The following RBFOX3 variants were observed in gnomAD, a reference collection of about 807,000 sequenced individuals.
The protein encoded by RBFOX3 is RNA binding protein fox-1 homolog 3.
In RBFOX3, 17 loss-of-function variants were observed where a neutral mutation model predicts 48.7. That is an observed-to-expected ratio of 0.35 (90% CI 0.24 to 0.52). The LOEUF (loss-of-function observed/expected upper bound fraction) is 0.52. Among genes scored for constraint, RBFOX3 ranks in the 20% least tolerant of loss-of-function variants. The pLI, the probability that RBFOX3 is intolerant of heterozygous loss-of-function variation, is 0.94. For missense variants in RBFOX3, 382 were observed against 497.5 expected, an observed-to-expected ratio of 0.77 and a Z score of 2.21; for synonymous variants, 212 against 209.5, an observed-to-expected ratio of 1.01 and a Z score of -0.10.
chr17:79,413,216 C>G (rs2064757615), intron 2 of RBFOX3, among the ~76,000 whole-genome samples: 1 of 152,220 alleles, frequency 6.6e-6, no homozygotes, highest in Admixed American at 6.5e-5. Context: ...GGCCGGGGCA[C>G]CCCTCCCCTG....
intron 2 of RBFOX3, among the ~76,000 whole-genome samples, chr17:79,465,188 G>C (rs1303762197): frequency 6.6e-6 from 1 of 152,172 alleles, no homozygotes; most frequent in Non-Finnish European, 1.5e-5. Flanking sequence ...TCCCGAGGCG[G>C]CCTCCCCTCA....
chr17:79,631,319 G>T, the RBFOX3 span, among the ~76,000 whole-genome samples: 2 of 152,098 alleles, frequency 1.3e-5, no homozygotes, highest in South Asian at 2.1e-4. Context: ...TGCCCCCAGG[G>T]TCAAGAAGGA....
intron 3 of RBFOX3, among the ~76,000 whole-genome samples, chr17:79,246,753 T>G (rs1057060380): frequency 6.6e-6 from 1 of 152,182 alleles, no homozygotes; most frequent in Non-Finnish European, 1.5e-5. Flanking sequence ...ACCACCTCTC[T>G]GCAGAGAGGG....
intron 3 of RBFOX3, among the ~76,000 whole-genome samples, chr17:79,268,234 C>T (rs1030725381): frequency 1.3e-4 from 20 of 152,170 alleles, no homozygotes; most frequent in African/African-American, 4.6e-4. Context: ...GACCATCTAG[C>T]CAGACCCTGG....
chr17:79,205,995 T>C lies in RBFOX3; in HGVS notation c.-34+29771A>G, dbSNP rs1267914883. 6.6e-6 allele frequency among the ~76,000 whole-genome samples: 1 copy of C among 152,158 alleles called. No individual in the cohort carries two copies. Among genetic ancestry groups the C allele is most frequent in the Non-Finnish European group, 1.5e-5 (1 of 68,032 alleles). On this transcript the variant is annotated intron_variant, in intron 4 of 14. Transcript: ENST00000693108. The surrounding 1 kb of genome is among the most constrained non-coding windows in gnomAD (Gnocchi z 4.5). ...CGTTGTGACATTCCAGAGAATATGCTCATCCGATACACTGAGGAAATCAGG... is the reference window on the plus strand; with the variant it reads ...CGTTGTGACATTCCAGAGAATATGCCCATCCGATACACTGAGGAAATCAGG...
At chr17:79,105,916 AG>A (rs915646376) in intron 6 of RBFOX3, among the ~76,000 whole-genome samples, 49 of 152,244 alleles carry the variant, frequency 3.2e-4, no homozygotes, top group African/African-American at 1.1e-3. Context: ...ACCACTCGGC[AG>A]CCCCAGCCCC....
chr17:79,619,398 T>C, the RBFOX3 span, among the ~76,000 whole-genome samples: 6 of 152,288 alleles, frequency 3.9e-5, no homozygotes, highest in East Asian at 1.2e-3. Context: ...CTCCCTCCCG[T>C]GCTTCCCTCC....
rs201371495 is a variant in RBFOX3, at chr17:79,184,663, A to G, written c.-34+51103T>C. Among the ~76,000 whole-genome samples the G allele has an allele frequency of 2.6e-4, 39 of 152,310 alleles. No individual in the cohort carries two copies. The East Asian group carries it at 6.6e-3, about 26-fold the overall frequency. On this transcript the variant is annotated intron_variant, in intron 4 of 14. Transcript: ENST00000693108. ...GCTCATGCCTAACCTCACGCCTTCC[A>G]GGAAAGGGGCAGATCCCAGGCACCC...
chr17:79,138,812 CGT>C (rs1294123669), intron 4 of RBFOX3, among the ~76,000 whole-genome samples: 1 of 119,948 alleles, frequency 8.3e-6, no homozygotes, highest in African/African-American at 3.2e-5. Context: ...CACACACATG[CGT>C]TCACACCCCC....
intron 5 of RBFOX3, among the ~76,000 whole-genome samples, chr17:79,108,714 T>C (rs895139122): frequency 1.3e-5 from 2 of 152,246 alleles, no homozygotes; most frequent in African/African-American, 2.4e-5. Flanking sequence ...CATTTCCGCA[T>C]GTAGCCAGAA....
chr17:79,512,309 G>A (rs2084430382), intron 1 of RBFOX3, among the ~76,000 whole-genome samples: 5 of 130,410 alleles, frequency 3.8e-5, no homozygotes, highest in South Asian at 2.6e-4. Context: ...CCCATGGCCA[G>A]GGAACACCCA....
At chr17:79,572,021 T>A (rs1048021485) in intron 1 of RBFOX3, among the ~76,000 whole-genome samples, 1 of 152,154 alleles carries the variant, frequency 6.6e-6, no homozygotes, top group Admixed American at 6.5e-5. Context: ...TGGTGCTAAG[T>A]ATTCTCTCAT....
upstream of RBFOX3, among the ~76,000 whole-genome samples, chr17:79,611,183 T>TCTCTCTCTC (rs2093965331): frequency 4.8e-5 from 2 of 41,494 alleles, no homozygotes; most frequent in African/African-American, 2.6e-4. Flanking sequence ...TCCGCCCTCC[T>TCTCTCTCTC]TCTCTCTCTC....
At chr17:79,273,549 T>A (rs2068121944) in intron 3 of RBFOX3, among the ~76,000 whole-genome samples, 1 of 134,852 alleles carries the variant, frequency 7.4e-6, no homozygotes, top group South Asian at 2.3e-4. Context: ...CTTGGCAGGC[T>A]ATAGGGTAAA....
Position 79,423,881 on chromosome 17 carries a change from C to T in RBFOX3, c.-175+58573G>A, listed in dbSNP as rs919708776. ...GTGCTACCCAGAGCACGCCACATGCCCTCAGCTCCCTGAGGCCTTTGCAGC... is the reference window on the plus strand; with the variant it reads ...GTGCTACCCAGAGCACGCCACATGCTCTCAGCTCCCTGAGGCCTTTGCAGC... On this transcript the variant is annotated intron_variant, in intron 2 of 14. Coordinates refer to ENST00000693108, the MANE Select transcript of RBFOX3 (RefSeq NM_001350451.2). The surrounding 1 kb of genome is among the most constrained non-coding windows in gnomAD (Gnocchi z 4.9). 4 of 153,796 alleles carry T rather than the reference C, an allele frequency of 2.6e-5. No homozygotes were observed. The highest frequency in any genetic ancestry group is 5.9e-5 in the Non-Finnish European group (4 of 68,204). 9.5% of individuals were successfully genotyped at this position (153,796 alleles called of 1,614,324 possible).
At chr17:79,201,104 GACA>G (rs35716164) in intron 4 of RBFOX3, among the ~76,000 whole-genome samples, 18,987 of 151,338 alleles carry the variant, frequency 0.13, 1,920 homozygotes, top group African/African-American at 0.29. Context: ...CAACAACAAC[GACA>G]ACAACAACAA....
At chr17:79,575,955 G>T (rs2092844123) in intron 1 of RBFOX3, among the ~76,000 whole-genome samples, 1 of 152,256 alleles carries the variant, frequency 6.6e-6, no homozygotes, top group Non-Finnish European at 1.5e-5. Context: ...GGGATGCTGT[G>T]CTGGTCAGTG....
chr17:79,611,217 C>CTCTCTCTCTCTCTCTCTCT (rs2093967029), upstream of RBFOX3, among the ~76,000 whole-genome samples: 13 of 135,248 alleles, frequency 9.6e-5, no homozygotes, highest in African/African-American at 3.1e-4. Context: ...CTCTCTCGTT[C>CTCTCTCTCTCTCTCTCTCT]CTCTGGCTCG....
At chr17:79,596,288 G>C (rs2093567689) in intron 1 of RBFOX3, among the ~76,000 whole-genome samples, 1 of 152,210 alleles carries the variant, frequency 6.6e-6, no homozygotes, top group East Asian at 1.9e-4. Context: ...GGCAGAACCA[G>C]GGCCCATTTC....
Sources: gnomAD v4.1 joint callset for allele counts (sites outside exome capture counted in the v4.1 genomes callset) on GRCh38, gnomAD v4.1.1 for gene constraint, Gnocchi (gnomAD v3.1) non-coding constraint, MANE v1.5 for transcripts, NCBI Gene and HGNC (gene_info 2026-07-23, HGNC 2026-07-21) for gene names.